The following PVT1 variants were observed in gnomAD, a reference collection of about 807,000 sequenced individuals.
The protein encoded by PVT1 is CXCR4/PVT1 fusion.
At chr8:128,000,455 T>C (rs189939697) in intron 4 of PVT1, among the ~76,000 whole-genome samples, 1 of 152,318 alleles carries the variant, frequency 6.6e-6, no homozygotes, top group African/African-American at 2.4e-5. Flanking sequence ...ACCTCCATGG[T>C]TGCATAGCAA....
At chr8:127,802,899 C>T (rs1490903032) in intron 2 of PVT1, among the ~76,000 whole-genome samples, 2 of 152,006 alleles carry the variant, frequency 1.3e-5, no homozygotes, top group African/African-American at 2.4e-5. Context: ...GGAAGAGACT[C>T]GCCCAGGAGG....
intron 3 of PVT1, among the ~76,000 whole-genome samples, chr8:127,903,350 C>G (rs1480422601): frequency 6.6e-6 from 1 of 152,172 alleles, no homozygotes; most frequent in Non-Finnish European, 1.5e-5. Flanking sequence ...CAAATGCATA[C>G]TTTGTGAATA....
At chr8:127,978,938 C>T (rs868453239) in intron 3 of PVT1, among the ~76,000 whole-genome samples, 1 of 152,196 alleles carries the variant, frequency 6.6e-6, no homozygotes, top group Non-Finnish European at 1.5e-5. Context: ...TTGTAGGTCT[C>T]ACTATGTTGC....
intron 3 of PVT1, among the ~76,000 whole-genome samples, chr8:127,892,403 C>A (rs1332245534): frequency 6.6e-6 from 1 of 152,130 alleles, no homozygotes; most frequent in Non-Finnish European, 1.5e-5. Context: ...TTGCCTTGAT[C>A]AAATATGGTG....
intron 3 of PVT1, chr8:127,948,706 G>A (rs936337125): frequency 6.6e-6 from 1 of 152,286 alleles, no homozygotes; most frequent in Non-Finnish European, 1.5e-5. Context: ...TGTAGACACA[G>A]GGAGGAGGTG....
chr8:127,837,257 T>C (rs1326128097), intron 2 of PVT1, among the ~76,000 whole-genome samples: 1 of 152,134 alleles, frequency 6.6e-6, no homozygotes, highest in Non-Finnish European at 1.5e-5. Context: ...GGGCTCGCCT[T>C]CCATCCAGCT....
At chr8:127,939,153 C>G (rs1816313429) in intron 3 of PVT1, among the ~76,000 whole-genome samples, 1 of 152,214 alleles carries the variant, frequency 6.6e-6, no homozygotes, top group Non-Finnish European at 1.5e-5. Context: ...GTCTTGGCAA[C>G]CCTGTGACTC....
At chr8:127,818,916 G>T (rs143506833) in intron 2 of PVT1, among the ~76,000 whole-genome samples, 3 of 152,246 alleles carry the variant, frequency 2.0e-5, no homozygotes, top group East Asian at 3.9e-4. Context: ...GTGCAGTGGC[G>T]TGATCATAGC....
chr8:127,860,188 G>A (rs1815205588), intron 2 of PVT1, among the ~76,000 whole-genome samples: 1 of 152,208 alleles, frequency 6.6e-6, no homozygotes, highest in Non-Finnish European at 1.5e-5. Flanking sequence ...ACGAGGAGCA[G>A]GTCCTGGTGG....
chr8:127,864,839 C>T (rs1224354393), intron 2 of PVT1, among the ~76,000 whole-genome samples: 2 of 152,214 alleles, frequency 1.3e-5, no homozygotes, highest in Admixed American at 6.5e-5. Context: ...TGAGTCACTG[C>T]GCCCAGCCAG....
intron 3 of PVT1, among the ~76,000 whole-genome samples, chr8:127,921,532 C>T (rs1400614363): frequency 6.6e-6 from 1 of 152,120 alleles, no homozygotes; most frequent in Non-Finnish European, 1.5e-5. Context: ...ATTTCAGGGG[C>T]CGGGCACAGT....
chr8:127,823,824 G>A (rs1439776567), intron 2 of PVT1, among the ~76,000 whole-genome samples: 1 of 152,232 alleles, frequency 6.6e-6, no homozygotes, highest in Middle Eastern at 3.2e-3. Flanking sequence ...ACTGCCCGTC[G>A]AAGCAGTCGG....
At chr8:127,994,605 A>G (rs1326704200) in intron 4 of PVT1, among the ~76,000 whole-genome samples, 1 of 152,256 alleles carries the variant, frequency 6.6e-6, no homozygotes, top group African/African-American at 2.4e-5. Context: ...CTTGATATTT[A>G]TATCTATATC....
chr8:127,849,835 AGCC>A, intron 2 of PVT1, among the ~76,000 whole-genome samples: 2 of 133,640 alleles, frequency 1.5e-5, no homozygotes, highest in African/African-American at 5.9e-5. Flanking sequence ...GTGGGTGCAC[AGCC>A]TGTACATATG....
At chr8:128,003,613 G>A (rs1269746190) in intron 4 of PVT1, among the ~76,000 whole-genome samples, 2 of 152,214 alleles carry the variant, frequency 1.3e-5, no homozygotes, top group South Asian at 2.1e-4. Context: ...GATTACGGGT[G>A]TGCGCCATTG....
intron 2 of PVT1, among the ~76,000 whole-genome samples, chr8:127,825,354 A>G (rs986658174): frequency 3.3e-5 from 5 of 152,086 alleles, no homozygotes; most frequent in Admixed American, 6.5e-5. Flanking sequence ...ACAAAATTAC[A>G]CCAAATATTT....
chr8:127,964,893 T>TCAAGC (rs1485266059), intron 3 of PVT1, among the ~76,000 whole-genome samples: 3 of 152,340 alleles, frequency 2.0e-5, no homozygotes, highest in African/African-American at 7.2e-5. Context: ...ACTCTTGAGC[T>TCAAGC]CAAGCCATTG....
At chr8:127,870,380 G>A (rs1414089260) in intron 2 of PVT1, among the ~76,000 whole-genome samples, 2 of 152,158 alleles carry the variant, frequency 1.3e-5, no homozygotes, top group African/African-American at 4.8e-5. Context: ...GCACAGTCCC[G>A]CTGACACCTT....
chr8:128,073,332 T>C (rs1407159023), intron 5 of PVT1, among the ~76,000 whole-genome samples: 1 of 152,154 alleles, frequency 6.6e-6, no homozygotes, highest in Non-Finnish European at 1.5e-5. Context: ...GTTTTTTAAT[T>C]TAACTGACCC....
Sources: allele counts gnomAD v4.1 joint callset (sites outside exome capture counted in the v4.1 genomes callset), GRCh38; gene constraint gnomAD v4.1.1; transcripts MANE v1.5; gene names NCBI Gene and HGNC (gene_info 2026-07-23, HGNC 2026-07-21).